Variants in FLVCR2 observed in about 807,000 individuals in gnomAD.
FLVCR2 encodes choline/ethanolamine transporter FLVCR2.
In FLVCR2, 38 loss-of-function variants were observed where a neutral mutation model predicts 48.9. That is an observed-to-expected ratio of 0.78 (90% confidence interval 0.60 to 1.02). The LOEUF (loss-of-function observed/expected upper bound fraction) is 1.02. FLVCR2 is among the 50% of genes least tolerant of loss of function. The pLI is 0.00. For synonymous variants in FLVCR2, 255 were observed against 257.0 expected (o/e 0.99, Z 0.07); for missense variants, 664 against 663.3 (o/e 1.00, Z -0.01).
intron 1 of FLVCR2, among the ~76,000 whole-genome samples, chr14:75,587,250 G>T (rs1888772587): frequency 6.6e-6 from 1 of 151,938 alleles, no homozygotes. Context: ...TAGTAAAAGA[G>T]AAATTTAAAC....
At chr14:75,636,626 C>T (rs1890172425) in intron 5 of FLVCR2, among the ~76,000 whole-genome samples, 1 of 152,186 alleles carries the variant, frequency 6.6e-6, no homozygotes, top group South Asian at 2.1e-4. Context: ...CAGTTCCTAG[C>T]ATCACGTGAT....
chr14:75,581,615 T>A (rs1888609735), intron 1 of FLVCR2, among the ~76,000 whole-genome samples: 1 of 152,218 alleles, frequency 6.6e-6, no homozygotes, highest in Admixed American at 6.5e-5. Context: ...ATGACCGCAG[T>A]GGCCTTCTCA....
intron 6 of FLVCR2, chr14:75,640,710 G>A: frequency 1.8e-6 from 1 of 546,568 alleles, no homozygotes; most frequent in Non-Finnish European, 3.3e-6. Flanking sequence ...GCAAGATGGA[G>A]AAGCAGCAAG....
At chr14:75,632,124 T>G (rs1890058129) in intron 3 of FLVCR2, among the ~76,000 whole-genome samples, 1 of 152,172 alleles carries the variant, frequency 6.6e-6, no homozygotes, top group Non-Finnish European at 1.5e-5. Flanking sequence ...ATAATCAGCT[T>G]TGTGAGGATG....
rs1399942457 is a variant in FLVCR2 at position 75,583,084 on chromosome 14, G to C, written c.669+3443G>C. On this transcript the variant is annotated intron_variant, in intron 1 of 9. Transcript: ENST00000238667. ...CTGAGGCTGATGGGCATCAGGGTCA[G>C]TCCAAGTGAAAGCGAAGAGAGGCTG... Among the ~76,000 whole-genome samples the C allele has an allele frequency of 2.0e-5, 3 of 152,238 alleles. No individual in the cohort carries two copies. The East Asian group carries it at 5.8e-4, about 29-fold the overall frequency.
intron 5 of FLVCR2, among the ~76,000 whole-genome samples, chr14:75,635,311 A>G (rs190070449): frequency 2.6e-5 from 4 of 152,240 alleles, no homozygotes; most frequent in Non-Finnish European, 5.9e-5. Context: ...GGAGGGAGAA[A>G]TGAAAATGAA....
At chr14:75,593,970 AC>A (rs1888955392) in intron 1 of FLVCR2, among the ~76,000 whole-genome samples, 1 of 151,958 alleles carries the variant, frequency 6.6e-6, no homozygotes, top group African/African-American at 2.4e-5. Context: ...CTCATGTTTT[AC>A]TATATGTGCT....
chr14:75,636,604 C>T (rs537008942), intron 5 of FLVCR2, among the ~76,000 whole-genome samples: 22 of 152,304 alleles, frequency 1.4e-4, no homozygotes, highest in African/African-American at 4.8e-4. Context: ...CTCTTCAGAA[C>T]CTAGATGTCA....
chr14:75,597,052 CAGG>C (rs1889040780), intron 1 of FLVCR2, among the ~76,000 whole-genome samples: 1 of 152,040 alleles, frequency 6.6e-6, no homozygotes, highest in South Asian at 2.1e-4. Flanking sequence ...GAGGCTGAGG[CAGG>C]AGGACTGCTT....
At chr14:75,588,127 G>C (rs1005938849) in intron 1 of FLVCR2, among the ~76,000 whole-genome samples, 1 of 152,216 alleles carries the variant, frequency 6.6e-6, no homozygotes, top group Non-Finnish European at 1.5e-5. Flanking sequence ...AATTATTTTA[G>C]TAAATGCCTT....
chr14:75,585,645 G>T (rs12436928), intron 1 of FLVCR2, among the ~76,000 whole-genome samples: 33,325 of 152,052 alleles, frequency 0.22, 4,032 homozygotes, highest in East Asian at 0.56. Flanking sequence ...GAATGTGGGT[G>T]AATGACCAAG....
At chr14:75,631,967 T>C (rs1348360950) in intron 3 of FLVCR2, 1 of 412,424 alleles carries the variant, frequency 2.4e-6, no homozygotes, top group East Asian at 7.1e-5. Context: ...TGGCTCACTG[T>C]GCTGCTCACT....
chr14:75,632,839 ACTAC>A lies in FLVCR2; in HGVS notation c.953-785_953-782del. 4.3e-6 allele frequency: 3 copies of A among 702,368 alleles called. No homozygotes were observed. In the South Asian group the frequency reaches 4.4e-5, roughly 10 times the overall value. 43.5% of individuals were successfully genotyped at this position (702,368 alleles called of 1,614,324 possible). ...TTATCTCTAAAATGGTGACGATAAT[ACTAC>A]CTACTTTCTAGAGTTGTCATAAAGT... On this transcript the variant is annotated intron_variant, in intron 3 of 9. Transcript: ENST00000238667.
At chr14:75,628,145 T>G (rs1439521049) in intron 3 of FLVCR2, among the ~76,000 whole-genome samples, 1 of 152,138 alleles carries the variant, frequency 6.6e-6, no homozygotes, top group Non-Finnish European at 1.5e-5. Flanking sequence ...AACAGAGTCT[T>G]ACTCTGTCGC....
chr14:75,615,421 T>C (rs1027257895), intron 1 of FLVCR2, among the ~76,000 whole-genome samples: 5 of 152,156 alleles, frequency 3.3e-5, no homozygotes, highest in Non-Finnish European at 5.9e-5. Flanking sequence ...CAAGTGCATC[T>C]TGGGAGTCCC....
chr14:75,631,887 G>A (rs1056433113), intron 3 of FLVCR2: 1 of 455,334 alleles, frequency 2.2e-6, no homozygotes, highest in Non-Finnish European at 4.4e-6. Context: ...AGAGCCTCAT[G>A]ATCATTGCAA....
rs1418168193 is a variant in FLVCR2, at chr14:75,622,219, T to C, written c.810T>C (p.Ile270=). The change falls in exon 2 of 10, where the codon ATT becomes ATC. Residue 270 remains isoleucine (I), a splice_region_variant and synonymous_variant. Coordinates refer to ENST00000238667, the MANE Select transcript of FLVCR2 (RefSeq NM_017791.3). ...VATLLLILVI[I]VFKEKPKYPP... is the part of the protein sequence containing the mutation. ...CTCTCCTCCTCATCCTTGTCATCAT[T>C]GGTAAGGTCATTAGTAAACAGATGG... is the stretch of plus-strand genomic sequence containing the variant. 3.1e-6 allele frequency: 5 copies of C among 1,613,986 alleles called. No homozygotes were observed. Among genetic ancestry groups the C allele is most frequent in the Admixed American group, 3.3e-5 (2 of 60,008 alleles).
At chr14:75,644,256 C>T (rs989946189) in intron 9 of FLVCR2, among the ~76,000 whole-genome samples, 5 of 152,182 alleles carry the variant, frequency 3.3e-5, no homozygotes, top group Non-Finnish European at 7.4e-5. Flanking sequence ...AACCTAGTAG[C>T]ATTTCCAGTG....
chr14:75,632,909 A>T (rs1376658421), intron 3 of FLVCR2: 7 of 702,378 alleles, frequency 1.0e-5, no homozygotes, highest in Non-Finnish European at 1.8e-5. Flanking sequence ...TGTCATCATC[A>T]TCATCACCAT....
Sources: gnomAD v4.1 joint callset for allele counts (sites outside exome capture counted in the v4.1 genomes callset) on GRCh38, gnomAD v4.1.1 for gene constraint, MANE v1.5 for transcripts, NCBI Gene and HGNC (gene_info 2026-07-23, HGNC 2026-07-21) for gene names.